ZFAT: variants seen among roughly 807,000 people sequenced by gnomAD.
ZFAT encodes the protein zinc finger protein ZFAT.
A neutral mutation model predicts 117.7 loss-of-function variants in ZFAT; 64 were observed. The observed-to-expected ratio is 0.54, with a 90% confidence interval of 0.44 to 0.67. The LOEUF (loss-of-function observed/expected upper bound fraction) is 0.67, where lower values mean the gene tolerates loss of function less well. Ranked by LOEUF, ZFAT falls within the 30% of genes least tolerant of loss-of-function variation. The probability of loss-of-function intolerance (pLI) is 0.00; values close to 1 mark genes in which losing one functional copy is unlikely to be tolerated. For synonymous variants in ZFAT, 679 were observed against 615.0 expected, an observed-to-expected ratio of 1.10 and a Z score of -1.54; for missense variants, 1,433 against 1,584.5, an observed-to-expected ratio of 0.90 and a Z score of 1.62.
the ZFAT span, among the ~76,000 whole-genome samples, chr8:134,718,968 C>A: frequency 6.6e-6 from 1 of 152,248 alleles, no homozygotes; most frequent in Non-Finnish European, 1.5e-5. Flanking sequence ...GTGTGCTCTG[C>A]AGTGCATCCT....
intron 1 of ZFAT, among the ~76,000 whole-genome samples, chr8:134,684,373 G>A (rs1293711538): frequency 6.6e-6 from 1 of 152,292 alleles, no homozygotes; most frequent in East Asian, 1.9e-4. Context: ...GAAATAAAGC[G>A]ATAGCAAGTG....
At chr8:134,831,453 AGGC>A in the ZFAT span, among the ~76,000 whole-genome samples, 1 of 152,320 alleles carries the variant, frequency 6.6e-6, no homozygotes, top group African/African-American at 2.4e-5. Flanking sequence ...TGCTACACAC[AGGC>A]GGATTCGTTC....
At chr8:134,601,383 T>C (rs775079378) in intron 6 of ZFAT, 94 bp downstream of exon 6, 4 of 1,501,066 alleles carry the variant, frequency 2.7e-6, no homozygotes, top group Non-Finnish European at 3.6e-6. Context: ...TAGAAGGTAT[T>C]CTTTGCAAAC....
the ZFAT span, among the ~76,000 whole-genome samples, chr8:134,755,409 CAAAAA>C: frequency 1.8e-5 from 1 of 55,302 alleles, no homozygotes; most frequent in South Asian, 6.6e-4. Context: ...GACTCTGTCT[CAAAAA>C]AAAAAAAAAA....
At chr8:134,616,197 A>G (rs957965252) in intron 3 of ZFAT, among the ~76,000 whole-genome samples, 1 of 152,180 alleles carries the variant, frequency 6.6e-6, no homozygotes, top group Non-Finnish European at 1.5e-5. Context: ...CAACAGCCAC[A>G]TGACTGTGTG....
At chr8:134,626,121 A>T (rs1563693086) in intron 3 of ZFAT, among the ~76,000 whole-genome samples, 1 of 152,196 alleles carries the variant, frequency 6.6e-6, no homozygotes, top group Non-Finnish European at 1.5e-5. Context: ...CCCTTTGGTC[A>T]TTAAGAGTCA....
the ZFAT span, among the ~76,000 whole-genome samples, chr8:134,782,141 A>T: frequency 6.6e-6 from 1 of 152,222 alleles, no homozygotes; most frequent in Non-Finnish European, 1.5e-5. Context: ...AAGCCTAAAG[A>T]AAACTAACCC....
At chr8:134,596,126 C>T (rs1826910255) in intron 7 of ZFAT, among the ~76,000 whole-genome samples, 1 of 152,224 alleles carries the variant, frequency 6.6e-6, no homozygotes, top group South Asian at 2.1e-4. Context: ...CAGCACCATT[C>T]TCCTGACCTA....
At chr8:134,566,393 C>CAAA (rs57041885) in intron 10 of ZFAT, among the ~76,000 whole-genome samples, 5 of 77,284 alleles carry the variant, frequency 6.5e-5, no homozygotes, top group Admixed American at 1.9e-4. Flanking sequence ...GACTCCAACT[C>CAAA]AAAAAAAAAA....
chr8:134,751,552 GA>G, the ZFAT span, among the ~76,000 whole-genome samples: 1 of 152,148 alleles, frequency 6.6e-6, no homozygotes, highest in African/African-American at 2.4e-5. Context: ...ATCAGAATCT[GA>G]AAAATAGTAA....
chr8:134,481,809 C>G (rs1358404138), intron 15 of ZFAT, among the ~76,000 whole-genome samples: 1 of 152,222 alleles, frequency 6.6e-6, no homozygotes, highest in Non-Finnish European at 1.5e-5. Flanking sequence ...AACTCTGCAG[C>G]AGCAGCGCCT....
chr8:134,622,352 C>T (rs376041308), intron 3 of ZFAT, among the ~76,000 whole-genome samples: 4 of 152,252 alleles, frequency 2.6e-5, no homozygotes, highest in African/African-American at 9.6e-5. Flanking sequence ...TTGGAAAAGA[C>T]AGCATTTGAA....
the ZFAT span, among the ~76,000 whole-genome samples, chr8:134,832,017 C>A: frequency 6.7e-6 from 1 of 148,488 alleles, no homozygotes; most frequent in African/African-American, 2.5e-5. Context: ...AGGAGGCCGC[C>A]GGCCCGCCGC....
chr8:134,488,496 T>A (rs1272530557), intron 15 of ZFAT, among the ~76,000 whole-genome samples: 5 of 152,192 alleles, frequency 3.3e-5, no homozygotes, highest in African/African-American at 1.2e-4. Flanking sequence ...GGCCATTTGT[T>A]GAATAAGCCA....
At chr8:134,558,895 T>C (rs1223366670) in intron 11 of ZFAT, among the ~76,000 whole-genome samples, 1 of 152,210 alleles carries the variant, frequency 6.6e-6, no homozygotes, top group African/African-American at 2.4e-5. Context: ...CAGCCAGAAA[T>C]TGAAACTTCA....
In ZFAT at chr8:134,687,445, T is replaced by C. The variant is rs749301093; in HGVS notation, c.19+25400A>G. Among the ~76,000 whole-genome samples, 16 of 152,354 alleles carry C rather than the reference T, an allele frequency of 1.1e-4. 1 individual carries two copies. The highest frequency in any genetic ancestry group is 2.1e-4 in the South Asian group (1 of 4,830). ...TGGCATAAATTCTTTTAAGTTATTT[T>C]TAAGCACTCTCAAAATGAGAGCCCC... On this transcript the variant is annotated intron_variant, in intron 1 of 15. Coordinates refer to ENST00000377838, the MANE Select transcript of ZFAT (RefSeq NM_020863.4).
intron 2 of ZFAT, among the ~76,000 whole-genome samples, chr8:134,638,443 C>T (rs972418395): frequency 2.0e-5 from 3 of 151,548 alleles, no homozygotes; most frequent in African/African-American, 2.4e-5. Flanking sequence ...CGGTGGCTCA[C>T]GCCTGTAATC....
chr8:134,568,527 T>G (rs1357808908), intron 10 of ZFAT, among the ~76,000 whole-genome samples: 1 of 152,224 alleles, frequency 6.6e-6, no homozygotes, highest in Non-Finnish European at 1.5e-5. Flanking sequence ...TTGATAAATA[T>G]TCTGTCATTC....
At chr8:134,769,181 C>G in the ZFAT span, among the ~76,000 whole-genome samples, 1 of 151,920 alleles carries the variant, frequency 6.6e-6, no homozygotes, top group Non-Finnish European at 1.5e-5. Flanking sequence ...TCAAGCACCT[C>G]CACCCCCCAA....
Sources: allele counts gnomAD v4.1 joint callset (sites outside exome capture counted in the v4.1 genomes callset), GRCh38; gene constraint gnomAD v4.1.1; transcripts MANE v1.5; gene names NCBI Gene and HGNC (gene_info 2026-07-23, HGNC 2026-07-21).